Variants in EXOC6 observed in about 807,000 individuals in gnomAD.
EXOC6 encodes the protein SEC15-like 1.
Under a neutral mutation model 112.5 loss-of-function variants are expected in EXOC6, and 60 were observed. That is an observed-to-expected ratio of 0.53 (90% CI 0.43 to 0.66). The LOEUF (loss-of-function observed/expected upper bound fraction) is 0.66. Among genes scored for constraint, EXOC6 ranks in the 30% least tolerant of loss-of-function variants. The probability of loss-of-function intolerance (pLI) is 0.00; values close to 1 mark genes in which losing one functional copy is unlikely to be tolerated. For synonymous variants in EXOC6, 295 were observed against 308.0 expected (o/e 0.96, Z 0.44); for missense variants, 855 against 957.1 (o/e 0.89, Z 1.41).
chr10:92,878,014 T>G (rs1053767776), intron 1 of EXOC6: 1 of 155,020 alleles, frequency 6.5e-6, no homozygotes, highest in African/African-American at 2.4e-5. Flanking sequence ...TCTATTCATT[T>G]CTTCTTGTTG....
chr10:92,829,436 C>T (rs1457001778), intron 1 of EXOC6, among the ~76,000 whole-genome samples: 6 of 152,194 alleles, frequency 3.9e-5, no homozygotes, highest in Non-Finnish European at 5.9e-5. Context: ...TAACCTCACT[C>T]CATACGTGTC....
At chr10:93,047,775 C>T (rs1278355239) in intron 20 of EXOC6, among the ~76,000 whole-genome samples, 4 of 151,824 alleles carry the variant, frequency 2.6e-5, no homozygotes, top group Admixed American at 6.6e-5. Flanking sequence ...GTGAAACCCC[C>T]GTCTCTACTA....
In EXOC6 at chr10:92,851,999, G is replaced by A. The variant is rs573798077; in HGVS notation, c.101+3365G>A. On this transcript the variant is annotated intron_variant, in intron 1 of 21. Coordinates refer to ENST00000260762, the MANE Select transcript of EXOC6 (RefSeq NM_019053.6). ...GGGAGAATGGCTCAGAGTCTGGGTC[G>A]TTAAGGCTGTAGAGAGCTGAGATTG... 9.2e-5 allele frequency among the ~76,000 whole-genome samples: 14 copies of A among 152,234 alleles called. No individual in the cohort carries two copies. In the East Asian group the frequency reaches 2.3e-3, roughly 25 times the overall value.
At chr10:93,015,357 A>C (rs963970668) in intron 20 of EXOC6, among the ~76,000 whole-genome samples, 22 of 152,258 alleles carry the variant, frequency 1.4e-4, no homozygotes, top group Admixed American at 9.8e-4. Context: ...TGTGGTTGAA[A>C]TAAATATAAA....
chr10:93,048,985 T>C (rs1590111105), intron 20 of EXOC6, among the ~76,000 whole-genome samples: 1 of 152,186 alleles, frequency 6.6e-6, no homozygotes, highest in Admixed American at 6.5e-5. Flanking sequence ...TAACAAATTC[T>C]ACTCCTAGAT....
At chr10:92,985,570 C>T (rs1041194570) in intron 18 of EXOC6, among the ~76,000 whole-genome samples, 11 of 152,146 alleles carry the variant, frequency 7.2e-5, no homozygotes, top group Non-Finnish European at 1.3e-4. Flanking sequence ...TTCTGAACAA[C>T]TTGCTTCCTT....
intron 19 of EXOC6, among the ~76,000 whole-genome samples, chr10:93,004,650 A>G (rs1843897215): frequency 1.3e-5 from 2 of 151,940 alleles, no homozygotes; most frequent in Non-Finnish European, 1.5e-5. Context: ...CTGTTTTTCT[A>G]CTTTTTTAAC....
chr10:92,902,075 C>T (rs1028148107), intron 5 of EXOC6, among the ~76,000 whole-genome samples: 3 of 151,386 alleles, frequency 2.0e-5, no homozygotes, highest in African/African-American at 7.3e-5. Context: ...ATTACACACA[C>T]ACACATACAC....
intron 20 of EXOC6, among the ~76,000 whole-genome samples, chr10:93,023,482 T>A (rs1477209881): frequency 6.6e-6 from 1 of 152,250 alleles, no homozygotes; most frequent in East Asian, 1.9e-4. Context: ...TCTTAAGTCC[T>A]ACTGCTCTAG....
intron 13 of EXOC6, among the ~76,000 whole-genome samples, chr10:92,941,129 T>C (rs1230538593): frequency 6.6e-6 from 1 of 152,142 alleles, no homozygotes; most frequent in Non-Finnish European, 1.5e-5. Context: ...TCTTGCTTTG[T>C]CTCTAAAATT....
intron 20 of EXOC6, among the ~76,000 whole-genome samples, chr10:93,040,487 T>C (rs1035438031): frequency 6.6e-6 from 1 of 152,238 alleles, no homozygotes; most frequent in Admixed American, 6.5e-5. Context: ...GACCTCGTGA[T>C]CCACCTGCCT....
At chr10:92,994,155 G>A (rs1158506025) in intron 18 of EXOC6, among the ~76,000 whole-genome samples, 1 of 152,166 alleles carries the variant, frequency 6.6e-6, no homozygotes, top group East Asian at 1.9e-4. Flanking sequence ...TTTGTTGAAT[G>A]CAGTCCATAA....
intron 1 of EXOC6, among the ~76,000 whole-genome samples, chr10:92,854,151 A>G (rs1210835610): frequency 6.6e-6 from 1 of 152,170 alleles, no homozygotes; most frequent in Admixed American, 6.5e-5. Flanking sequence ...AACAACTAAA[A>G]AAATGAGGCT....
At chr10:92,933,360 A>G (rs969334204) in intron 9 of EXOC6, among the ~76,000 whole-genome samples, 3 of 152,314 alleles carry the variant, frequency 2.0e-5, no homozygotes, top group Admixed American at 1.3e-4. Flanking sequence ...AACTGTAGGA[A>G]CATATTCTTT....
intron 19 of EXOC6, among the ~76,000 whole-genome samples, chr10:93,000,701 C>T (rs771460341): frequency 2.6e-5 from 4 of 152,138 alleles, no homozygotes; most frequent in Non-Finnish European, 4.4e-5. Flanking sequence ...TTAATCATTA[C>T]TTCTGAATAC....
intron 14 of EXOC6, among the ~76,000 whole-genome samples, chr10:92,950,616 G>A (rs1371326955): frequency 6.6e-6 from 1 of 151,780 alleles, no homozygotes; most frequent in African/African-American, 2.4e-5. Context: ...ATGCAGAAAG[G>A]CTGCATAAAG....
In EXOC6 at chr10:92,940,755, T is replaced by C. The variant is rs1412111485; in HGVS notation, c.1241T>C (p.Phe414Ser). The C allele has an allele frequency of 1.2e-6, 2 of 1,611,374 alleles. No individual in the cohort carries two copies. Among genetic ancestry groups the C allele is most frequent in the East Asian group, 2.2e-5 (1 of 44,798 alleles). ...TATGGTTTTCCAGTGAACCGACTTT[T>C]TGACCTTTTATTTGAAATAAGAGAC... The part of the protein sequence containing the change: ...QGYGFPVNRL[F>S]DLLFEIRDQY... Residue 414 changes from phenylalanine to serine, a missense_variant, in exon 13 of 22, where the codon TTT becomes TCT. By Grantham distance (155) the Phe-to-Ser change is radical. This residue lies in a region of EXOC6 where 450 missense variants were observed against 563.5 expected (regional missense o/e 0.80). Transcript: ENST00000260762.
chr10:92,973,276 CCA>C (rs1451368406), intron 17 of EXOC6, among the ~76,000 whole-genome samples: 2 of 152,138 alleles, frequency 1.3e-5, no homozygotes, highest in African/African-American at 2.4e-5. Flanking sequence ...TAGGTTTCCA[CCA>C]GAGTTTTAGA....
At chr10:92,893,278 C>A in intron 1 of EXOC6, 71 bp from the exon 2 acceptor site, 1 of 1,089,582 alleles carries the variant, frequency 9.2e-7, no homozygotes, top group Non-Finnish European at 1.3e-6. Flanking sequence ...TTTAAGATAT[C>A]ACCTCTTGCA....
Sources: gnomAD v4.1 joint callset for allele counts (sites outside exome capture counted in the v4.1 genomes callset) on GRCh38, gnomAD v4.1.1 for gene constraint, gnomAD v4.1.1 regional missense constraint, MANE v1.5 for transcripts, NCBI Gene and HGNC (gene_info 2026-07-23, HGNC 2026-07-21) for gene names.